The following FHIT variants were observed in gnomAD, a reference collection of about 807,000 sequenced individuals.
FHIT encodes the protein bis(5'-adenosyl)-triphosphatase.
FHIT carries 19 observed loss-of-function variants against 17.9 expected under a neutral mutation model. That is an observed-to-expected ratio of 1.06 (90% CI 0.74 to 1.56). The LOEUF (loss-of-function observed/expected upper bound fraction) is 1.56. Ranked by LOEUF, FHIT falls within the 40% of genes most tolerant of loss-of-function variation. The pLI, the probability that FHIT is intolerant of heterozygous loss-of-function variation, is 0.00. For synonymous variants in FHIT, 81 were observed against 69.7 expected (o/e 1.16, Z -0.81); for missense variants, 248 against 189.2 (o/e 1.31, Z -1.82).
At chr3:60,045,300 T>C (rs902785305) in intron 5 of FHIT, among the ~76,000 whole-genome samples, 1 of 152,126 alleles carries the variant, frequency 6.6e-6, no homozygotes. Context: ...AGAGGTTTAA[T>C]GGACTTACAG....
chr3:59,974,387 C>T (rs1250380743), intron 7 of FHIT, among the ~76,000 whole-genome samples: 1 of 152,154 alleles, frequency 6.6e-6, no homozygotes, highest in Non-Finnish European at 1.5e-5. Context: ...TGGTTAGATG[C>T]TTCATTTCTA....
At chr3:60,044,412 C>T (rs11718957) in intron 5 of FHIT, among the ~76,000 whole-genome samples, 52,545 of 152,028 alleles carry the variant, frequency 0.35, 10,402 homozygotes, top group Middle Eastern at 0.56. Context: ...CATCACTCAA[C>T]GCATTTTCAG....
intron 5 of FHIT, among the ~76,000 whole-genome samples, chr3:60,454,662 G>C (rs973677876): frequency 1.4e-4 from 21 of 152,082 alleles, no homozygotes; most frequent in African/African-American, 4.6e-4. Flanking sequence ...GGGATTATAG[G>C]TGTGAGCCAC....
intron 5 of FHIT, among the ~76,000 whole-genome samples, chr3:60,309,397 A>C (rs1288554198): frequency 1.3e-5 from 2 of 152,144 alleles, no homozygotes; most frequent in African/African-American, 4.8e-5. Context: ...TGGTCCAAAA[A>C]GTATGGTCCA....
chr3:60,377,607 G>A lies in FHIT; in HGVS notation c.103+159253C>T, dbSNP rs1375570879. ...CGCCATTCTCCTGCCTCAGCCTCCC[G>A]AGTAGCTGGGACTACAGGCGCCCGC... On this transcript the variant is annotated intron_variant, in intron 5 of 9. Transcript: ENST00000492590. Among the ~76,000 whole-genome samples the A allele has an allele frequency of 7.5e-5, 11 of 145,906 alleles. No homozygotes were observed. The South Asian group carries it at 1.1e-3, about 15-fold the overall frequency.
chr3:59,869,004 C>A (rs1323981297), intron 8 of FHIT, among the ~76,000 whole-genome samples: 2 of 152,122 alleles, frequency 1.3e-5, no homozygotes, highest in Non-Finnish European at 2.9e-5. Context: ...ATCCTGTTGG[C>A]TTGGAAAGGG....
chr3:60,991,342 G>A (rs1228165278), intron 3 of FHIT, among the ~76,000 whole-genome samples: 2 of 152,210 alleles, frequency 1.3e-5, no homozygotes, highest in Non-Finnish European at 2.9e-5. Flanking sequence ...AGTGGGGGCA[G>A]GAGCAGATCA....
chr3:60,287,815 G>A (rs979444476), intron 5 of FHIT, among the ~76,000 whole-genome samples: 6 of 138 alleles, frequency 0.043, no homozygotes, highest in African/African-American at 0.12. Context: ...CACTTCATCA[G>A]CACCAGTGGG....
chr3:60,342,705 G>A (rs1279502311), intron 5 of FHIT, among the ~76,000 whole-genome samples: 1 of 152,168 alleles, frequency 6.6e-6, no homozygotes, highest in Non-Finnish European at 1.5e-5. Flanking sequence ...TGAAAGAGAA[G>A]TAAGATGTTT....
At chr3:60,519,455 A>C (rs995735300) in intron 5 of FHIT, among the ~76,000 whole-genome samples, 5 of 152,218 alleles carry the variant, frequency 3.3e-5, no homozygotes, top group African/African-American at 1.2e-4. Flanking sequence ...TTGAAAATTC[A>C]CATGTAACTT....
At chr3:60,122,574 T>C (rs576540890) in intron 5 of FHIT, among the ~76,000 whole-genome samples, 1 of 152,246 alleles carries the variant, frequency 6.6e-6, no homozygotes, top group South Asian at 2.1e-4. Context: ...AGAGATCATT[T>C]TATGGGAAAA....
chr3:61,046,422 C>T (rs900094994), intron 2 of FHIT, among the ~76,000 whole-genome samples: 2 of 152,126 alleles, frequency 1.3e-5, no homozygotes, highest in Non-Finnish European at 2.9e-5. Flanking sequence ...CACATACACC[C>T]TCCCAAGACT....
At chr3:60,829,623 T>A (rs151317324) in intron 3 of FHIT, among the ~76,000 whole-genome samples, 6 of 152,174 alleles carry the variant, frequency 3.9e-5, no homozygotes, top group Non-Finnish European at 7.3e-5. Context: ...AATTGTCCAA[T>A]GTGCTTTCTG....
intron 4 of FHIT, among the ~76,000 whole-genome samples, chr3:60,613,844 G>C (rs918132599): frequency 2.0e-5 from 3 of 152,060 alleles, no homozygotes; most frequent in African/African-American, 7.2e-5. Context: ...AGTGGGGCTT[G>C]AGACTCCTGG....
chr3:61,192,534 A>T (rs1418821615), intron 2 of FHIT, among the ~76,000 whole-genome samples: 1 of 152,184 alleles, frequency 6.6e-6, no homozygotes, highest in Non-Finnish European at 1.5e-5. Flanking sequence ...CAGCAGGTAG[A>T]CTTGCAGAGG....
intron 5 of FHIT, among the ~76,000 whole-genome samples, chr3:60,443,414 A>G (rs1266618923): frequency 6.6e-6 from 1 of 152,146 alleles, no homozygotes. Context: ...TGGGTTTGTC[A>G]TAAACAGCTT....
At chr3:60,820,302 T>C (rs1183549908) in intron 4 of FHIT, among the ~76,000 whole-genome samples, 1 of 152,040 alleles carries the variant, frequency 6.6e-6, no homozygotes, top group African/African-American at 2.4e-5. Context: ...CGAGACTCCA[T>C]TTCAAAAAAG....
At chr3:60,488,556 A>T (rs2033935953) in intron 5 of FHIT, among the ~76,000 whole-genome samples, 1 of 152,096 alleles carries the variant, frequency 6.6e-6, no homozygotes, top group African/African-American at 2.4e-5. Context: ...GGTTGCTTAG[A>T]AAGGTCTGGG....
chr3:60,814,000 A>T (rs897128331), intron 4 of FHIT, among the ~76,000 whole-genome samples: 1 of 152,162 alleles, frequency 6.6e-6, no homozygotes, highest in Non-Finnish European at 1.5e-5. Flanking sequence ...GCTATCTCTT[A>T]ACAGAACATA....
Sources: allele counts gnomAD v4.1 joint callset (sites outside exome capture counted in the v4.1 genomes callset), GRCh38; gene constraint gnomAD v4.1.1; transcripts MANE v1.5; gene names NCBI Gene and HGNC (gene_info 2026-07-23, HGNC 2026-07-21).